Variants in RRM2 observed in about 807,000 individuals in gnomAD.
The protein encoded by RRM2 is ribonucleoside-diphosphate reductase subunit M2.
Under a neutral mutation model 45.9 loss-of-function variants are expected in RRM2, and 6 were observed. That is an observed-to-expected ratio of 0.13 (90% CI 0.07 to 0.26). The LOEUF (loss-of-function observed/expected upper bound fraction) is 0.26. Among genes scored for constraint, RRM2 ranks in the 10% least tolerant of loss-of-function variants. The pLI, the probability that RRM2 is intolerant of heterozygous loss-of-function variation, is 1.00. For synonymous variants in RRM2, 177 were observed against 173.0 expected, an observed-to-expected ratio of 1.02 and a Z score of -0.18; for missense variants, 343 against 489.5, an observed-to-expected ratio of 0.70 and a Z score of 2.82.
At position 10,127,053 on chromosome 2, in the gene RRM2, C is replaced by T. The variant is rs1261711258; in HGVS notation, c.665-34C>T. On this transcript the variant is annotated intron_variant, in intron 6 of 9. Transcript: ENST00000304567. This position sits in a 1 kb window ranked among gnomAD's most constrained non-coding sequence, Gnocchi z 4.1. The stretch of plus-strand genomic sequence containing the variant: ...GATTTTTGGCCCTTGAATACCAACT[C>T]ACTAGAATCATGTTGGTGTTAACTC... 6.2e-7 allele frequency: 1 copy of T among 1,612,550 alleles called. No homozygotes were observed. The highest frequency in any genetic ancestry group is 1.7e-5 in the Admixed American group (1 of 59,992).
In RRM2 at chr2:10,205,043, G is replaced by C. The variant is rs1044723766; in HGVS notation, n.483-5268G>C. ...CAAGCAACCCCACGTGGTCTGCTTC[G>C]AATCCAGCAAACTTTTGTTTTCAGT... On this transcript the variant is annotated intron_variant and non_coding_transcript_variant, in intron 3 of 3. Transcript: ENST00000381786. The surrounding 1 kb of genome is among the most constrained non-coding windows in gnomAD (Gnocchi z 4.8). Among the ~76,000 whole-genome samples, 1 of 152,204 alleles carries C rather than the reference G, an allele frequency of 6.6e-6. No homozygotes were observed. Among genetic ancestry groups the C allele is most frequent in the African/African-American group, 2.4e-5 (1 of 41,466 alleles).
At chr2:10,134,597 A>G (rs919381566), downstream of RRM2, among the ~76,000 whole-genome samples, 1 of 152,234 alleles carries the variant, frequency 6.6e-6, no homozygotes, top group African/African-American at 2.4e-5. Flanking sequence ...TGGGGTTCAC[A>G]CTTCTTAATT....
intron 3 of RRM2, among the ~76,000 whole-genome samples, chr2:10,194,652 GC>G (rs1018297789): frequency 5.3e-5 from 8 of 152,364 alleles, no homozygotes; most frequent in Middle Eastern, 3.4e-3. Flanking sequence ...ATGGGCTCTG[GC>G]CCAAGTTAGC....
At chr2:10,156,444 G>C (rs1017521964) in intron 3 of RRM2, among the ~76,000 whole-genome samples, 3 of 152,218 alleles carry the variant, frequency 2.0e-5, no homozygotes, top group Admixed American at 6.5e-5. Flanking sequence ...GGAAGGGGCA[G>C]TCCTGGGCAG....
chr2:10,210,613 C>T (rs1664744771), exon 4 of RRM2: 1 of 1,360,254 alleles, frequency 7.4e-7, no homozygotes. Flanking sequence ...AGATCTGCTG[C>T]TTTCAATCAC....
intron 3 of RRM2, among the ~76,000 whole-genome samples, chr2:10,170,810 C>A (rs1306037213): frequency 6.6e-6 from 1 of 152,148 alleles, no homozygotes; most frequent in Non-Finnish European, 1.5e-5. Context: ...CACGCCCCCG[C>A]CCCCAGCCAC....
At chr2:10,166,527 G>C (rs1663686274) in intron 3 of RRM2, among the ~76,000 whole-genome samples, 1 of 152,248 alleles carries the variant, frequency 6.6e-6, no homozygotes, top group African/African-American at 2.4e-5. Context: ...TGGCAAATTG[G>C]TGAGGGGTCA....
intron 3 of RRM2, among the ~76,000 whole-genome samples, chr2:10,202,469 C>T (rs1429701560): frequency 1.3e-5 from 2 of 152,306 alleles, no homozygotes; most frequent in African/African-American, 4.8e-5. Context: ...CTGAGAGGAG[C>T]TTCTGGCCGA....
chr2:10,157,016 C>CT (rs71391198), intron 3 of RRM2, among the ~76,000 whole-genome samples: 15,931 of 84,602 alleles, frequency 0.19, 2,714 homozygotes, highest in East Asian at 0.44. Flanking sequence ...CAGCCCATTT[C>CT]TTTTTTTTTT....
intron 3 of RRM2, among the ~76,000 whole-genome samples, chr2:10,143,060 A>G (rs148458643): frequency 0.015 from 2,212 of 152,256 alleles, 46 homozygotes; most frequent in African/African-American, 0.05. Context: ...TTTTTAGTAG[A>G]GACAGAGTTT....
intron 5 of RRM2, among the ~76,000 whole-genome samples, chr2:10,126,114 A>G (rs1164508168): frequency 1.4e-5 from 2 of 145,214 alleles, no homozygotes; most frequent in African/African-American, 2.6e-5. Context: ...AGCTGTGATC[A>G]TCTCGCTGCA....
rs5030743 is a variant in RRM2, at chr2:10,123,747, C to T, written c.330C>T (p.Ser110=). 2.5e-6 allele frequency: 4 copies of T among 1,603,166 alleles called. No homozygotes were observed. Among genetic ancestry groups the T allele is most frequent in the Non-Finnish European group, 3.4e-6 (4 of 1,170,204 alleles). The stretch of plus-strand genomic sequence containing the variant: ...CTTCCGAACCTCAGGTGGACCTCTC[C>T]AAGGACATTCAGCACTGGGAATCCC... ...SFWTAEEVDL[S]KDIQHWESLK... is the part of the protein sequence containing the mutation. Residue 110 remains serine, a synonymous_variant, in exon 4 of 10, where the codon TCC becomes TCT. Coordinates refer to ENST00000304567, the MANE Select transcript of RRM2 (RefSeq NM_001034.4).
chr2:10,207,585 T>C lies in RRM2; in HGVS notation n.483-2726T>C, dbSNP rs556134988. ...CTCTTTTGGCCCCTCATGGGTGCCA[T>C]CATTTTGCCCACATAGGCTCTTGTC... On this transcript the variant is annotated intron_variant and non_coding_transcript_variant, in intron 3 of 3. Transcript: ENST00000381786. Among the ~76,000 whole-genome samples the C allele has an allele frequency of 1.4e-4, 22 of 152,276 alleles. No homozygotes were observed. The East Asian group carries it at 3.9e-3, about 27-fold the overall frequency.
chr2:10,171,442 GC>G lies in RRM2; in HGVS notation n.482+29071del, dbSNP rs1164293400. Among the ~76,000 whole-genome samples, 2 of 152,248 alleles carry G rather than the reference GC, an allele frequency of 1.3e-5. No homozygotes were observed. Among genetic ancestry groups the G allele is most frequent in the African/African-American group, 2.4e-5 (1 of 41,456 alleles). On this transcript the variant is annotated intron_variant and non_coding_transcript_variant, in intron 3 of 3. Coordinates refer to the RRM2 transcript ENST00000381786. This position sits in a 1 kb window ranked among gnomAD's most constrained non-coding sequence, Gnocchi z 4.1. ...CCTCCTGAGCCGTGCTTCCAGGGCA[GC>G]CCCGGCCCTTCATGTCAGCTGGTGA...
rs1386311994 is a variant in RRM2, at chr2:10,171,376, T to G, written n.482+29001T>G. On this transcript the variant is annotated intron_variant and non_coding_transcript_variant, in intron 3 of 3. Coordinates refer to the RRM2 transcript ENST00000381786. The surrounding 1 kb of genome is among the most constrained non-coding windows in gnomAD (Gnocchi z 4.1). Reference sequence around the variant, plus strand: ...CAGTGGCACCAGTGGGCTGAGAAACTGTCGGGTTTGGCTGCTGCTGTTGTC... The same window carrying G: ...CAGTGGCACCAGTGGGCTGAGAAACGGTCGGGTTTGGCTGCTGCTGTTGTC... Among the ~76,000 whole-genome samples, 3 of 152,166 alleles carry G rather than the reference T, an allele frequency of 2.0e-5. No homozygotes were observed. Among genetic ancestry groups the G allele is most frequent in the Non-Finnish European group, 4.4e-5 (3 of 68,030 alleles).
At chr2:10,159,008 C>T (rs1049936441) in intron 3 of RRM2, among the ~76,000 whole-genome samples, 11 of 152,122 alleles carry the variant, frequency 7.2e-5, no homozygotes, top group Non-Finnish European at 1.3e-4. Flanking sequence ...GTCCTTTGGA[C>T]GTCTTCTTCC....
intron 3 of RRM2, chr2:10,198,764 A>C (rs1664470081): frequency 6.6e-6 from 1 of 152,158 alleles, no homozygotes; most frequent in Admixed American, 6.5e-5. Context: ...TCTCTTACAG[A>C]CTAAGGGTAT....
At chr2:10,133,585 G>A (rs1249472239), downstream of RRM2, among the ~76,000 whole-genome samples, 1 of 152,214 alleles carries the variant, frequency 6.6e-6, no homozygotes, top group African/African-American at 2.4e-5. Flanking sequence ...GCGTGGCCTG[G>A]CCTCTTCCAG....
chr2:10,194,313 G>A (rs1664368295), intron 3 of RRM2, among the ~76,000 whole-genome samples: 2 of 152,182 alleles, frequency 1.3e-5, no homozygotes, highest in South Asian at 4.1e-4. Flanking sequence ...ACGCTAGCAG[G>A]CCTGTGTCCA....
Sources: allele counts gnomAD v4.1 joint callset (sites outside exome capture counted in the v4.1 genomes callset), GRCh38; gene constraint gnomAD v4.1.1; non-coding constraint Gnocchi (gnomAD v3.1); transcripts MANE v1.5; gene names NCBI Gene and HGNC (gene_info 2026-07-23, HGNC 2026-07-21).